The following ABCC1 variants were observed in gnomAD, a reference collection of about 807,000 sequenced individuals.
ABCC1 encodes the protein multidrug resistance-associated protein 1.
ABCC1 carries 83 observed loss-of-function variants against 172.9 expected under a neutral mutation model. The observed-to-expected ratio is 0.48, with a 90% CI of 0.40 to 0.58. ABCC1 has a LOEUF of 0.58. Among genes scored for constraint, ABCC1 ranks in the 20% least tolerant of loss-of-function variants. The probability of loss-of-function intolerance (pLI) is 0.00; values close to 1 mark genes in which losing one functional copy is unlikely to be tolerated. For missense variants in ABCC1, 1,817 were observed against 2,002.7 expected, an observed-to-expected ratio of 0.91 and a Z score of 1.77; for synonymous variants, 937 against 825.2, an observed-to-expected ratio of 1.14 and a Z score of -2.32.
At chr16:16,019,968 G>A (rs2048138141) in intron 5 of ABCC1, among the ~76,000 whole-genome samples, 2 of 152,206 alleles carry the variant, frequency 1.3e-5, no homozygotes, top group African/African-American at 2.4e-5. Context: ...CTGTCGCCAA[G>A]GCTGTAGTGC....
In ABCC1 at chr16:16,122,068, G is replaced by T. The variant is rs752719574; in HGVS notation, c.3484G>T (p.Val1162Phe). ...YSHFNETLLG[V>F]SVIRAFEEQE... The stretch of plus-strand genomic sequence containing the variant: ...CCATTTCAACGAGACCTTGCTGGGG[G>T]TCAGCGTCATTCGAGCCTTCGAGGA... The change falls in exon 24 of 31, where the codon GTC (valine) becomes TTC (phenylalanine). Residue 1162 changes from valine to phenylalanine, a missense_variant. By Grantham distance (50) the Val-to-Phe change is conservative. Transcript: ENST00000399410. 1.2e-6 allele frequency: 2 copies of T among 1,614,216 alleles called. No individual in the cohort carries two copies. Among genetic ancestry groups the T allele is most frequent in the East Asian group, 2.2e-5 (1 of 44,884 alleles).
intron 11 of ABCC1, among the ~76,000 whole-genome samples, chr16:16,053,596 T>C (rs1192268230): frequency 2.0e-5 from 3 of 151,780 alleles, no homozygotes; most frequent in African/African-American, 7.3e-5. Flanking sequence ...AAGACCAGCC[T>C]GGGAAACATG....
intron 1 of ABCC1, among the ~76,000 whole-genome samples, chr16:15,970,897 C>T (rs759797222): frequency 2.6e-5 from 4 of 152,176 alleles, no homozygotes; most frequent in Non-Finnish European, 5.9e-5. Context: ...ACCTGGCCTT[C>T]AACTCAGTCC....
In ABCC1 at chr16:16,044,998, C is replaced by T. The variant is rs543703520; in HGVS notation, c.1040+318C>T. On this transcript the variant is annotated intron_variant, in intron 8 of 30. Coordinates refer to ENST00000399410, the MANE Select transcript of ABCC1 (RefSeq NM_004996.4). Reference sequence around the variant, plus strand: ...ATTACCATATTAGTGAAGACCACATCGTTTGCAAGTAACAGAAACCCACTA... The same window carrying T: ...ATTACCATATTAGTGAAGACCACATTGTTTGCAAGTAACAGAAACCCACTA... Among the ~76,000 whole-genome samples the T allele has an allele frequency of 3.9e-4, 60 of 152,218 alleles. 1 individual carries two copies. Among genetic ancestry groups the T allele is most frequent in the Admixed American group, 1.1e-3 (17 of 15,292 alleles).
At chr16:16,014,824 C>T (rs1001152115) in intron 4 of ABCC1, among the ~76,000 whole-genome samples, 196 bp downstream of exon 4, 1 of 152,168 alleles carries the variant, frequency 6.6e-6, no homozygotes, top group African/African-American at 2.4e-5. Context: ...TTTTCTAGCA[C>T]CTCCTTTCCC....
chr16:16,115,079 A>G lies in ABCC1; in HGVS notation c.3390+3A>G, dbSNP rs994304364. 6.2e-7 allele frequency: 1 copy of G among 1,613,116 alleles called. No homozygotes were observed. Among genetic ancestry groups the G allele is most frequent in the Non-Finnish European group, 8.5e-7 (1 of 1,179,148 alleles). ...GCCTCATCTACTTCTTCGTCCAGGT[A>G]AGGGGTGAGGTCTTAGTGTTCGGGA... is the stretch of plus-strand genomic sequence containing the variant. On this transcript the variant is annotated splice_donor_region_variant and intron_variant, in intron 23 of 30. Coordinates refer to ENST00000399410, the MANE Select transcript of ABCC1 (RefSeq NM_004996.4).
chr16:16,066,190 CT>C (rs71137908), intron 12 of ABCC1, among the ~76,000 whole-genome samples: 1 of 151,094 alleles, frequency 6.6e-6, no homozygotes. Flanking sequence ...TGACTGTTTT[CT>C]TTTTTTTTGA....
At position 16,089,357 on chromosome 16, in the gene ABCC1, G is replaced by A. The variant is rs151238493; in HGVS notation, c.2461-1048G>A. Among the ~76,000 whole-genome samples, 272 of 152,182 alleles carry A rather than the reference G, an allele frequency of 1.8e-3. 5 individuals are homozygous for A. In the East Asian group the frequency reaches 0.041, roughly 23 times the overall value. ...AGTTCAGGAGTTCAAGATGAGCCTG[G>A]ACAACATGATGAGACCCCTGTCTTG... On this transcript the variant is annotated intron_variant, in intron 18 of 30. Coordinates refer to ENST00000399410, the MANE Select transcript of ABCC1 (RefSeq NM_004996.4).
At chr16:16,027,968 T>A (rs934363223) in intron 5 of ABCC1, among the ~76,000 whole-genome samples, 2 of 152,166 alleles carry the variant, frequency 1.3e-5, no homozygotes, top group African/African-American at 4.8e-5. Flanking sequence ...ATGTTTGATC[T>A]CATTTAATCT....
chr16:16,036,472 G>A lies in ABCC1; in HGVS notation c.678G>A (p.Gly226=), dbSNP rs777057408. ...TAACCCCCTTGTGTCTTGGCCCCAG[G>A]TTGATTGTCCGGGGCTACCGCCAGC... ...LSRITFWWIT[G]LIVRGYRQPL... Residue 226 remains glycine, a splice_region_variant and synonymous_variant, in exon 7 of 31, where the codon GGG becomes GGA. Transcript: ENST00000399410. 1.9e-6 allele frequency: 3 copies of A among 1,612,536 alleles called. No homozygotes were observed. The highest frequency in any genetic ancestry group is 4.5e-5 in the East Asian group (2 of 44,838).
chr16:16,105,022 C>T (rs1268107319), intron 20 of ABCC1, among the ~76,000 whole-genome samples: 3 of 152,160 alleles, frequency 2.0e-5, no homozygotes, highest in African/African-American at 7.2e-5. Flanking sequence ...CCACACCTCC[C>T]CGCAAGCTGA....
In ABCC1 at chr16:16,079,458, G is replaced by C; in HGVS notation, c.2095G>C (p.Glu699Gln). 1.2e-6 allele frequency: 2 copies of C among 1,613,494 alleles called. No homozygotes were observed. The highest frequency in any genetic ancestry group is 8.5e-7 in the Non-Finnish European group (1 of 1,179,530). The change falls in exon 16 of 31, where the codon GAG (glutamate) becomes CAG (glutamine). Residue 699 changes from glutamate to glutamine, a missense_variant. Physicochemically the swap from Glu to Gln is conservative, Grantham distance 29. Transcript: ENST00000399410. ...SALLAEMDKV[E>Q]GHVAIKGSVA... ...CCTCTTGGCTGAGATGGACAAAGTGGAGGGGCACGTGGCTATCAAGGTAGG... is the reference window on the plus strand; with the variant it reads ...CCTCTTGGCTGAGATGGACAAAGTGCAGGGGCACGTGGCTATCAAGGTAGG...
intron 10 of ABCC1, among the ~76,000 whole-genome samples, chr16:16,050,486 A>C (rs944062328): frequency 6.6e-6 from 1 of 150,768 alleles, no homozygotes; most frequent in Non-Finnish European, 1.5e-5. Flanking sequence ...AGAAGAAAAA[A>C]TTACTGGTTT....
intron 5 of ABCC1, among the ~76,000 whole-genome samples, chr16:16,021,984 C>A (rs774421730): frequency 2.0e-5 from 3 of 152,124 alleles, no homozygotes; most frequent in Non-Finnish European, 2.9e-5. Flanking sequence ...ACGGGACAAC[C>A]TGTTTGCTTG....
At chr16:16,044,229 C>T (rs35962196) in intron 7 of ABCC1, among the ~76,000 whole-genome samples, 18,603 of 152,272 alleles carry the variant, frequency 0.12, 1,470 homozygotes, top group Non-Finnish European at 0.16. Flanking sequence ...TCTGAAGTCA[C>T]GCAGCTGGCC....
In ABCC1 at chr16:16,009,802, C is replaced by G; in HGVS notation, c.252C>G (p.Val84=). ...CCTTGGGATTTTTGCTGTGGATCGT[C>G]TGCTGGGCAGACCTCTTCTACTCTT... ...KTALGFLLWI[V]CWADLFYSFW... The change falls in exon 3 of 31, where the codon GTC becomes GTG. Residue 84 remains valine (V), a synonymous_variant. Transcript: ENST00000399410. 1 of 1,609,218 alleles carries G rather than the reference C, an allele frequency of 6.2e-7. No homozygotes were observed. Among genetic ancestry groups the G allele is most frequent in the Non-Finnish European group, 8.5e-7 (1 of 1,178,022 alleles).
intron 15 of ABCC1, 131 bp from the exon 16 acceptor site, chr16:16,079,221 G>A: frequency 7.4e-7 from 1 of 1,353,268 alleles, no homozygotes; most frequent in Non-Finnish European, 1.0e-6. Context: ...GAGGCCTTCA[G>A]TGTTTAGTAC....
chr16:16,034,099 CTCACTGCAGTCCCAA>C (rs1468169573), intron 6 of ABCC1, among the ~76,000 whole-genome samples: 20 of 136,024 alleles, frequency 1.5e-4, no homozygotes, highest in African/African-American at 5.0e-4. Flanking sequence ...ACACTTGTAG[CTCACTGCAGTCCCAA>C]TCTACTGGGC....
chr16:16,044,870 G>C (rs1054527203), intron 8 of ABCC1, among the ~76,000 whole-genome samples, 190 bp downstream of exon 8: 1 of 151,938 alleles, frequency 6.6e-6, no homozygotes, highest in Non-Finnish European at 1.5e-5. Context: ...GGCTGGTCTC[G>C]AGCTCCTGAC....
Sources: gnomAD v4.1 joint callset for allele counts (sites outside exome capture counted in the v4.1 genomes callset) on GRCh38, gnomAD v4.1.1 for gene constraint, MANE v1.5 for transcripts, NCBI Gene and HGNC (gene_info 2026-07-23, HGNC 2026-07-21) for gene names.